Variants in PDE11A observed in about 807,000 individuals in gnomAD.
PDE11A encodes dual 3',5'-cyclic-AMP and -GMP phosphodiesterase 11A.
In PDE11A, 100 loss-of-function variants were observed where a neutral mutation model predicts 100.5. That is an observed-to-expected ratio of 1.00 (90% CI 0.85 to 1.18). PDE11A has a LOEUF of 1.18. PDE11A is among the 50% of genes most tolerant of loss of function. The probability of loss-of-function intolerance (pLI) is 0.00; values close to 1 mark genes in which losing one functional copy is unlikely to be tolerated. For synonymous variants in PDE11A, 381 were observed against 420.8 expected (o/e 0.91, Z 1.16); for missense variants, 1,141 against 1,152.6 (o/e 0.99, Z 0.15).
chr2:177,714,071 G>A (rs2081399971), intron 12 of PDE11A, among the ~76,000 whole-genome samples: 1 of 119,428 alleles, frequency 8.4e-6, no homozygotes, highest in African/African-American at 3.1e-5. Context: ...TTGGCTAACT[G>A]CAAGCTCCGC....
At chr2:177,981,111 T>A (rs868469282) in intron 2 of PDE11A, among the ~76,000 whole-genome samples, 2 of 150,452 alleles carry the variant, frequency 1.3e-5, no homozygotes, top group African/African-American at 4.8e-5. Flanking sequence ...TAACCTCCAG[T>A]AAGCTAGTTA....
chr2:177,982,436 G>T (rs937620727), intron 2 of PDE11A, among the ~76,000 whole-genome samples: 1 of 150,636 alleles, frequency 6.6e-6, no homozygotes, highest in African/African-American at 2.4e-5. Context: ...CCTAAAAAAA[G>T]ACTTCAAATT....
chr2:177,871,940 C>T (rs1205575634), intron 5 of PDE11A, among the ~76,000 whole-genome samples: 2 of 152,174 alleles, frequency 1.3e-5, no homozygotes, highest in East Asian at 3.9e-4. Context: ...TGTTACACTA[C>T]ATAGGAGAAA....
intron 3 of PDE11A, chr2:177,899,643 T>C: frequency 4.6e-6 from 1 of 219,122 alleles, no homozygotes; most frequent in Non-Finnish European, 9.4e-6. Context: ...CTTAAATATA[T>C]ATATATATAT....
At chr2:177,906,092 C>T (rs924831744) in intron 2 of PDE11A, among the ~76,000 whole-genome samples, 3 of 152,262 alleles carry the variant, frequency 2.0e-5, no homozygotes, top group Middle Eastern at 3.4e-3. Flanking sequence ...AAGTGACATA[C>T]TTGGGACTTC....
At position 178,072,381 on chromosome 2, in the gene PDE11A, T is replaced by A; in HGVS notation, c.57A>T (p.Pro19=). ...GEVETFLDRH[P]ELFEDYLMRK... Reference sequence around the variant, plus strand: ...GCATCAAGTAATCTTCAAACAACTCTGGGTGCCTGTCCAGGAAAGTTTCCA... The same window carrying A: ...GCATCAAGTAATCTTCAAACAACTCAGGGTGCCTGTCCAGGAAAGTTTCCA... Residue 19 remains proline, a synonymous_variant, in exon 1 of 20, where the codon CCA becomes CCT. Coordinates refer to ENST00000286063, the MANE Select transcript of PDE11A (RefSeq NM_016953.4). 6.2e-7 allele frequency: 1 copy of A among 1,613,862 alleles called. No homozygotes were observed. The highest frequency in any genetic ancestry group is 1.3e-5 in the African/African-American group (1 of 75,070).
At chr2:177,736,411 C>A (rs2081783273) in intron 10 of PDE11A, among the ~76,000 whole-genome samples, 1 of 151,944 alleles carries the variant, frequency 6.6e-6, no homozygotes, top group African/African-American at 2.4e-5. Flanking sequence ...GTAATCCCAG[C>A]TACTTAGGAG....
Position 177,669,576 on chromosome 2 carries a change from T to A in PDE11A, c.2488-9A>T. 3 of 1,288,776 alleles carry A rather than the reference T, an allele frequency of 2.3e-6. No individual in the cohort carries two copies. Among genetic ancestry groups the A allele is most frequent in the Non-Finnish European group, 3.4e-6 (3 of 883,692 alleles). The allele number at this position is 1,288,776 out of a possible 1,614,324, so 79.8% of individuals were successfully genotyped here. A position where few individuals can be genotyped will look rare whatever the true frequency, so the allele number is the denominator to read the frequency against. On this transcript the variant is annotated splice_polypyrimidine_tract_variant and intron_variant, in intron 17 of 19. Coordinates refer to ENST00000286063, the MANE Select transcript of PDE11A (RefSeq NM_016953.4). ...GTTACAAGTTCTGCCACCTGAAACA[T>A]ATAAATATTTTAATCTGTGATTATG...
At chr2:177,816,251 A>G (rs2083037290) in intron 9 of PDE11A, among the ~76,000 whole-genome samples, 1 of 152,132 alleles carries the variant, frequency 6.6e-6, no homozygotes, top group Admixed American at 6.6e-5. Context: ...CTAGAAAAAA[A>G]CGAGTCTTGA....
intron 10 of PDE11A, among the ~76,000 whole-genome samples, chr2:177,759,293 T>G (rs2082138866): frequency 6.6e-6 from 1 of 152,196 alleles, no homozygotes; most frequent in African/African-American, 2.4e-5. Flanking sequence ...AGTTTTATGT[T>G]AAAATCATCA....
chr2:177,879,561 C>T (rs1273168656), intron 4 of PDE11A, among the ~76,000 whole-genome samples: 1 of 152,126 alleles, frequency 6.6e-6, no homozygotes. Context: ...GCTTAATTTG[C>T]CCTGGCTCCT....
At position 177,943,433 on chromosome 2, in the gene PDE11A, G is replaced by A. The variant is rs563389659; in HGVS notation, c.1072-38246C>T. Among the ~76,000 whole-genome samples the A allele has an allele frequency of 7.9e-5, 12 of 152,160 alleles. No individual in the cohort carries two copies. The South Asian group carries it at 1.3e-3, about 16-fold the overall frequency. On this transcript the variant is annotated intron_variant, in intron 2 of 19. Transcript: ENST00000286063. ...TGATAGTTGCCATCCTCGTGGGTGC[G>A]ACATGATATCTCATTGTGGTTTGAA...
intron 6 of PDE11A, among the ~76,000 whole-genome samples, chr2:177,828,627 C>T (rs2083263317): frequency 6.6e-6 from 1 of 152,100 alleles, no homozygotes; most frequent in African/African-American, 2.4e-5. Context: ...AGGATATGAG[C>T]CATGCAGATA....
intron 19 of PDE11A, 59 bp downstream of exon 19, chr2:177,663,807 T>C (rs2080524429): frequency 3.1e-6 from 3 of 960,508 alleles, no homozygotes. Context: ...TTTTGAGAAA[T>C]ACACACTTTT....
chr2:177,639,519 T>C (rs879843263), intron 19 of PDE11A, among the ~76,000 whole-genome samples: 1 of 152,194 alleles, frequency 6.6e-6, no homozygotes, highest in Non-Finnish European at 1.5e-5. Flanking sequence ...CAGCTGCCAG[T>C]GGCTGAGAGT....
chr2:177,633,298 T>C (rs1211952576), intron 19 of PDE11A, among the ~76,000 whole-genome samples: 3 of 152,256 alleles, frequency 2.0e-5, no homozygotes, highest in Non-Finnish European at 4.4e-5. Flanking sequence ...TAGTAAGTCC[T>C]CCAACAGGAA....
intron 19 of PDE11A, among the ~76,000 whole-genome samples, chr2:177,648,890 T>G (rs1397786790): frequency 6.6e-6 from 1 of 152,104 alleles, no homozygotes; most frequent in African/African-American, 2.4e-5. Context: ...GGTTTATTTC[T>G]TTAATAGATA....
intron 2 of PDE11A, among the ~76,000 whole-genome samples, chr2:177,962,323 T>C (rs1379044476): frequency 6.6e-6 from 1 of 152,074 alleles, no homozygotes; most frequent in Non-Finnish European, 1.5e-5. Context: ...ATTTGTTCAG[T>C]AAATAAATGT....
At chr2:177,777,089 G>A (rs2082388740) in intron 9 of PDE11A, among the ~76,000 whole-genome samples, 1 of 152,150 alleles carries the variant, frequency 6.6e-6, no homozygotes, top group Non-Finnish European at 1.5e-5. Context: ...CCCCAGCCAT[G>A]CTGAACTGTG....
Sources: gnomAD v4.1 joint callset for allele counts (sites outside exome capture counted in the v4.1 genomes callset) on GRCh38, gnomAD v4.1.1 for gene constraint, MANE v1.5 for transcripts, NCBI Gene and HGNC (gene_info 2026-07-23, HGNC 2026-07-21) for gene names.